EPS8: variants seen among roughly 807,000 people sequenced by gnomAD.
EPS8 encodes the protein epidermal growth factor receptor kinase substrate 8.
A neutral mutation model predicts 103.8 loss-of-function variants in EPS8; 42 were observed. The observed-to-expected ratio is 0.40, with a 90% CI of 0.32 to 0.52. The LOEUF is 0.52. Ranked by LOEUF, EPS8 falls within the 20% of genes least tolerant of loss-of-function variation. The pLI, the probability that EPS8 is intolerant of heterozygous loss-of-function variation, is 0.40. For synonymous variants in EPS8, 344 were observed against 344.6 expected (o/e 1.00, Z 0.02); for missense variants, 969 against 1,005.1 (o/e 0.96, Z 0.49).
chr12:15,680,597 T>C (rs1591849667), intron 3 of EPS8, among the ~76,000 whole-genome samples: 1 of 152,166 alleles, frequency 6.6e-6, no homozygotes. Context: ...TCATTCTTTA[T>C]TGTTATACAA....
In EPS8 at chr12:15,670,865, G is replaced by T; in HGVS notation, c.195C>A (p.Tyr65Ter). 6.2e-7 allele frequency: 1 copy of T among 1,607,720 alleles called. No homozygotes were observed. The change falls in exon 4 of 21, where the codon TAC becomes TAA. Residue 65 changes from tyrosine (Y) to a stop codon, truncating the protein, a stop_gained. Coordinates refer to ENST00000281172, the MANE Select transcript of EPS8 (RefSeq NM_004447.6). LOFTEE classifies it high-confidence loss of function. ...CACCAAAGCATCTTACTTCAACACG[G>T]TATTGAGATATATCTGACACACTGC... Reference protein sequence around the residue: ...SVSSVSDISQYRVEHLTTFVL... With the variant: ...SVSSVSDISQ
rs950882857 is a variant in EPS8 at position 15,620,276 on chromosome 12, A to G, written c.*1041T>C. The stretch of plus-strand genomic sequence containing the variant: ...CTCTAAATGATTTATGTTAAAATAT[A>G]CAACATTCTTACATAACATCTGTTT... On this transcript the variant is annotated 3_prime_UTR_variant, in exon 21 of 21. Transcript: ENST00000281172. 2 of 152,668 alleles carry G rather than the reference A, an allele frequency of 1.3e-5. No individual in the cohort carries two copies. Among genetic ancestry groups the G allele is most frequent in the Non-Finnish European group, 2.9e-5 (2 of 68,034 alleles). The allele number at this position is 152,668 out of a possible 1,614,324, so 9.5% of individuals were successfully genotyped here.
intron 1 of EPS8, among the ~76,000 whole-genome samples, chr12:15,723,879 C>A: frequency 6.6e-6 from 1 of 152,132 alleles, no homozygotes; most frequent in South Asian, 2.1e-4. Context: ...CCCAGAAGGT[C>A]ACCTTAATTT....
Position 15,779,500 on chromosome 12 carries a change from T to C in EPS8, c.-22+9661A>G, listed in dbSNP as rs1424459349. Among the ~76,000 whole-genome samples, 1 of 152,212 alleles carries C rather than the reference T, an allele frequency of 6.6e-6. No homozygotes were observed. Among genetic ancestry groups the C allele is most frequent in the Non-Finnish European group, 1.5e-5 (1 of 68,040 alleles). ...GAGACAGATTTTACACATATTTTTA[T>C]TTGCAGCTTTGTTTTTCCACTTCAG... is the stretch of plus-strand genomic sequence containing the variant. On this transcript the variant is annotated intron_variant, in intron 1 of 20. Coordinates refer to ENST00000281172, the MANE Select transcript of EPS8 (RefSeq NM_004447.6). The surrounding 1 kb of genome is among the most constrained non-coding windows in gnomAD (Gnocchi z 4.3).
Position 15,666,483 on chromosome 12 carries a change from C to T in EPS8, c.556G>A (p.Asp186Asn), listed in dbSNP as rs1369497463. Residue 186 changes from aspartate (D) to asparagine (N), a missense_variant, in exon 7 of 21, where the codon GAC becomes AAC. Asp to Asn is a conservative substitution (Grantham distance 23, BLOSUM62 1). Coordinates refer to ENST00000281172, the MANE Select transcript of EPS8 (RefSeq NM_004447.6). ...CTCTTCTGTTTCCCTCCTTTACTGT[C>T]ACTGATTGCACTTTCAATATCTTCA... ...ISEDIESAIS[D>N]SKGGKQKRRP... 1.9e-6 allele frequency: 3 copies of T among 1,613,924 alleles called. No homozygotes were observed. The highest frequency in any genetic ancestry group is 3.3e-5 in the Admixed American group (2 of 60,012).
intron 1 of EPS8, among the ~76,000 whole-genome samples, chr12:15,699,895 C>A (rs889997975): frequency 2.0e-5 from 3 of 152,186 alleles, no homozygotes; most frequent in African/African-American, 7.2e-5. Flanking sequence ...GTGGCTCACG[C>A]CTGTAATGCC....
In EPS8 at chr12:15,704,876, G is replaced by C. The variant is rs933286731; in HGVS notation, c.-21-21904C>G. 2.0e-5 allele frequency among the ~76,000 whole-genome samples: 3 copies of C among 152,140 alleles called. No individual in the cohort carries two copies. Among genetic ancestry groups the C allele is most frequent in the African/African-American group, 7.2e-5 (3 of 41,422 alleles). On this transcript the variant is annotated intron_variant, in intron 1 of 20. Coordinates refer to ENST00000281172, the MANE Select transcript of EPS8 (RefSeq NM_004447.6). The surrounding 1 kb of genome is among the most constrained non-coding windows in gnomAD (Gnocchi z 4.6). ...CTGCCTCTGTTATGGGGATGTACTAGAAGATTAACAATTTCCTTGGCATGC... is the reference window on the plus strand; with the variant it reads ...CTGCCTCTGTTATGGGGATGTACTACAAGATTAACAATTTCCTTGGCATGC...
chr12:15,669,820 C>T lies in EPS8; in HGVS notation c.210G>A (p.Leu70=), dbSNP rs1188147990. 8.8e-6 allele frequency: 14 copies of T among 1,591,302 alleles called. No individual in the cohort carries two copies. Among genetic ancestry groups the T allele is most frequent in the Non-Finnish European group, 1.1e-5 (13 of 1,170,648 alleles). Residue 70 remains leucine (L), a synonymous_variant, in exon 5 of 21, where the codon TTG becomes TTA. Transcript: ENST00000281172. ...CTTTCCGATCCAGGACAAAGGTAGTCAAGTGCTTACAATTGGCAAAAAGGA... is the reference window on the plus strand; with the variant it reads ...CTTTCCGATCCAGGACAAAGGTAGTTAAGTGCTTACAATTGGCAAAAAGGA... ...SDISQYRVEH[L]TTFVLDRKDA...
At position 15,702,819 on chromosome 12, in the gene EPS8, A is replaced by C. The variant is rs1946327914; in HGVS notation, c.-21-19847T>G. On this transcript the variant is annotated intron_variant, in intron 1 of 20. Transcript: ENST00000281172. The surrounding 1 kb of genome is among the most constrained non-coding windows in gnomAD (Gnocchi z 5.1). ...TAGCTTATGCACGTAATGGTTATTA[A>C]AGGTAAACATTCAATAGAGTGAGCA... Among the ~76,000 whole-genome samples the C allele has an allele frequency of 6.6e-6, 1 of 152,210 alleles. No individual in the cohort carries two copies. Among genetic ancestry groups the C allele is most frequent in the Non-Finnish European group, 1.5e-5 (1 of 68,044 alleles).
At chr12:15,649,015 A>G (rs1945367536) in intron 14 of EPS8, among the ~76,000 whole-genome samples, 1 of 152,190 alleles carries the variant, frequency 6.6e-6, no homozygotes, top group East Asian at 1.9e-4. Context: ...TTAAGTCACA[A>G]TTACTTGGCC....
chr12:15,691,469 G>A (rs763185043), intron 1 of EPS8, among the ~76,000 whole-genome samples: 1 of 152,144 alleles, frequency 6.6e-6, no homozygotes, highest in African/African-American at 2.4e-5. Flanking sequence ...ATCATTTATA[G>A]TACAATGTGG....
At chr12:15,743,494 C>T (rs1409772963) in intron 1 of EPS8, among the ~76,000 whole-genome samples, 3 of 152,164 alleles carry the variant, frequency 2.0e-5, no homozygotes, top group Non-Finnish European at 4.4e-5. Flanking sequence ...GAGGCTCACG[C>T]TACCTGACTT....
In EPS8 at chr12:15,624,367, G is replaced by C; in HGVS notation, c.2085C>G (p.Ile695Met). ...CACTCCGACCAATGGTCAGTCTGTG[G>C]ATGAGTTCATCTTGCACTTCCTCCA... ...SQMEEVQDEL[I>M]HRLTIGRSAA... The change falls in exon 19 of 21, where the codon ATC becomes ATG. Residue 695 changes from isoleucine to methionine, a missense_variant. Coordinates refer to ENST00000281172, the MANE Select transcript of EPS8 (RefSeq NM_004447.6). The C allele has an allele frequency of 4.4e-6, 7 of 1,593,020 alleles. No homozygotes were observed. The highest frequency in any genetic ancestry group is 6.0e-6 in the Non-Finnish European group (7 of 1,166,096).
intron 1 of EPS8, among the ~76,000 whole-genome samples, chr12:15,788,543 T>C (rs1159982023): frequency 1.3e-5 from 2 of 152,144 alleles, no homozygotes; most frequent in Non-Finnish European, 1.5e-5. Context: ...CCCTTTCAAA[T>C]GCATGAACTG....
chr12:15,663,891 A>T (rs1945650724), intron 8 of EPS8, among the ~76,000 whole-genome samples: 1 of 137,892 alleles, frequency 7.3e-6, no homozygotes, highest in South Asian at 2.3e-4. Flanking sequence ...ACTGCACTCC[A>T]GCCTGGGTGA....
chr12:15,711,157 A>C (rs1016565672), intron 1 of EPS8, among the ~76,000 whole-genome samples: 2 of 152,056 alleles, frequency 1.3e-5, no homozygotes, highest in South Asian at 2.1e-4. Flanking sequence ...CTCCTGCCTC[A>C]GTCTCCCAAA....
Position 15,688,636 on chromosome 12 carries a change from G to C in EPS8, c.-21-5664C>G, listed in dbSNP as rs1946128401. Among the ~76,000 whole-genome samples the C allele has an allele frequency of 6.6e-6, 1 of 152,080 alleles. No homozygotes were observed. Among genetic ancestry groups the C allele is most frequent in the African/African-American group, 2.4e-5 (1 of 41,414 alleles). On this transcript the variant is annotated intron_variant, in intron 1 of 20. Coordinates refer to ENST00000281172, the MANE Select transcript of EPS8 (RefSeq NM_004447.6). The surrounding 1 kb of genome is among the most constrained non-coding windows in gnomAD (Gnocchi z 5.1). ...AACCAGCAGAATGACGCGGAATTTGGAGTTTAGCAGGGGCAGCCGGACTCC... is the reference window on the plus strand; with the variant it reads ...AACCAGCAGAATGACGCGGAATTTGCAGTTTAGCAGGGGCAGCCGGACTCC...
chr12:15,674,536 A>G (rs1384187793), intron 3 of EPS8, among the ~76,000 whole-genome samples: 1 of 152,196 alleles, frequency 6.6e-6, no homozygotes, highest in East Asian at 1.9e-4. Flanking sequence ...AACTACAATC[A>G]CAGCTTGACA....
In EPS8 at chr12:15,654,141, T is replaced by C. The variant is rs772815444; in HGVS notation, c.1250+4A>G. 29 of 1,613,216 alleles carry C rather than the reference T, an allele frequency of 1.8e-5. No individual in the cohort carries two copies. Among genetic ancestry groups the C allele is most frequent in the Middle Eastern group, 1.6e-4 (1 of 6,076 alleles). ...TTAAGGCATTATAGGTGGTAAATGC[T>C]TACCTGGCTTTCATCCAAGTTCCTC... is the stretch of plus-strand genomic sequence containing the variant. On this transcript the variant is annotated splice_donor_region_variant and intron_variant, in intron 13 of 20. Transcript: ENST00000281172.
Sources: gnomAD v4.1 joint callset for allele counts (sites outside exome capture counted in the v4.1 genomes callset) on GRCh38, gnomAD v4.1.1 for gene constraint, Gnocchi (gnomAD v3.1) non-coding constraint, MANE v1.5 for transcripts, NCBI Gene and HGNC (gene_info 2026-07-23, HGNC 2026-07-21) for gene names.